PALLD: variants seen among roughly 807,000 people sequenced by gnomAD.
PALLD encodes palladin, cytoskeletal associated protein.
In PALLD, 61 loss-of-function variants were observed where a neutral mutation model predicts 123.5. That is an observed-to-expected ratio of 0.49 (90% confidence interval 0.40 to 0.61). PALLD has a LOEUF of 0.61. Ranked by LOEUF, PALLD falls within the 20% of genes least tolerant of loss-of-function variation. The pLI, the probability that PALLD is intolerant of heterozygous loss-of-function variation, is 0.00. For missense variants in PALLD, 1,273 were observed against 1,377.0 expected (o/e 0.92, Z 1.20); for synonymous variants, 465 against 496.4 (o/e 0.94, Z 0.84).
chr4:168,696,878 A>G (rs926609496), intron 8 of PALLD, among the ~76,000 whole-genome samples: 1 of 152,200 alleles, frequency 6.6e-6, no homozygotes, highest in Non-Finnish European at 1.5e-5. Context: ...AGAAGAAAGA[A>G]GCGGCGAGAG....
chr4:168,574,276 A>G (rs1367482539), intron 2 of PALLD, among the ~76,000 whole-genome samples: 1 of 152,108 alleles, frequency 6.6e-6, no homozygotes, highest in East Asian at 1.9e-4. Context: ...GTGCTTTACA[A>G]GATGCTTACC....
chr4:168,651,709 T>C (rs1254921329), intron 2 of PALLD, among the ~76,000 whole-genome samples: 1 of 152,116 alleles, frequency 6.6e-6, no homozygotes, highest in East Asian at 1.9e-4. Context: ...AATGATGCTT[T>C]ACAAGAAGAA....
rs140469649 is a variant in PALLD, at chr4:168,682,961, A to G, written c.1155-37A>G. ...AAAAAACAAAAAAACGAAAACAAAAAATATTCTGACTAAACACTCACCTTC... is the reference window on the plus strand; with the variant it reads ...AAAAAACAAAAAAACGAAAACAAAAGATATTCTGACTAAACACTCACCTTC... On this transcript the variant is annotated intron_variant, in intron 4 of 21. Coordinates refer to ENST00000505667, the MANE Select transcript of PALLD (RefSeq NM_001166108.2). 2.3e-6 allele frequency: 3 copies of G among 1,279,550 alleles called. No individual in the cohort carries two copies. The African/African-American group carries it at 4.4e-5, about 19-fold the overall frequency. The allele number at this position is 1,279,550 out of a possible 1,614,324, so 79.3% of individuals were successfully genotyped here.
rs147195641 is a variant in PALLD at position 168,642,045 on chromosome 4, G to C, written c.909-26145G>C. Among the ~76,000 whole-genome samples, 1,101 of 152,264 alleles carry C rather than the reference G, an allele frequency of 7.2e-3. 16 individuals are homozygous for C. Among genetic ancestry groups the C allele is most frequent in the African/African-American group, 0.025 (1,040 of 41,538 alleles). ...CTTCGTCTCCTTTCACCCATAAGGA[G>C]CACAGCCAGGATGGTTTCACCTGGT... On this transcript the variant is annotated intron_variant, in intron 2 of 21. Transcript: ENST00000505667.
At chr4:168,822,599 T>A (rs774797261) in intron 10 of PALLD, among the ~76,000 whole-genome samples, 5 of 152,178 alleles carry the variant, frequency 3.3e-5, no homozygotes, top group Non-Finnish European at 7.3e-5. Context: ...GTTAAGCCTT[T>A]TAAGGGTATC....
intron 2 of PALLD, among the ~76,000 whole-genome samples, chr4:168,629,323 G>T (rs1422848482): frequency 1.3e-5 from 2 of 152,050 alleles, no homozygotes; most frequent in African/African-American, 4.8e-5. Context: ...CCTGCCTATA[G>T]TATTTTTAAG....
At chr4:168,898,270 C>A in intron 13 of PALLD, 1 of 575,334 alleles carries the variant, frequency 1.7e-6, no homozygotes, top group Non-Finnish European at 3.1e-6. Flanking sequence ...TTTCCTACCC[C>A]CCTCTTTTTG....
At chr4:168,632,187 C>CT (rs1313633199) in intron 2 of PALLD, among the ~76,000 whole-genome samples, 59 of 147,754 alleles carry the variant, frequency 4.0e-4, no homozygotes, top group East Asian at 1.6e-3. Context: ...CCACCTCACC[C>CT]TTTTTTTTTT....
intron 17 of PALLD, among the ~76,000 whole-genome samples, chr4:168,917,049 G>T (rs111807939): frequency 5.4e-4 from 68 of 124,880 alleles, no homozygotes; most frequent in African/African-American, 1.3e-3. Context: ...TTTTTTTGGG[G>T]TTTTTTTTTT....
intron 10 of PALLD, among the ~76,000 whole-genome samples, chr4:168,767,045 C>G (rs982222496): frequency 1.3e-5 from 2 of 152,148 alleles, no homozygotes; most frequent in African/African-American, 4.8e-5. Context: ...CCTGACAGTC[C>G]TCTTCCAGAC....
intron 2 of PALLD, among the ~76,000 whole-genome samples, chr4:168,642,828 C>T (rs1777092006): frequency 6.6e-6 from 1 of 152,244 alleles, no homozygotes; most frequent in South Asian, 2.1e-4. Flanking sequence ...GAAGAAACTG[C>T]TTTTCCTGTA....
intron 8 of PALLD, among the ~76,000 whole-genome samples, chr4:168,694,862 T>C (rs936246069): frequency 8.5e-5 from 13 of 152,212 alleles, no homozygotes; most frequent in African/African-American, 3.1e-4. Flanking sequence ...AACATCCGTT[T>C]GTCATAGTAC....
intron 1 of PALLD, among the ~76,000 whole-genome samples, chr4:168,508,895 T>C (rs1762272196): frequency 6.6e-6 from 1 of 152,078 alleles, no homozygotes; most frequent in Non-Finnish European, 1.5e-5. Flanking sequence ...TTATCTACCA[T>C]GTGTGCTGAC....
chr4:168,541,596 G>A (rs1013438280), intron 2 of PALLD, among the ~76,000 whole-genome samples: 5 of 151,962 alleles, frequency 3.3e-5, no homozygotes, highest in African/African-American at 9.7e-5. Context: ...GATTACAGGC[G>A]CTCGCCACCA....
intron 2 of PALLD, among the ~76,000 whole-genome samples, chr4:168,531,287 G>C (rs536206607): frequency 6.6e-6 from 1 of 152,248 alleles, no homozygotes; most frequent in South Asian, 2.1e-4. Context: ...ATTTTAAGCT[G>C]ATGATGATCA....
At chr4:168,635,299 C>G (rs1053448740) in intron 2 of PALLD, among the ~76,000 whole-genome samples, 2 of 152,128 alleles carry the variant, frequency 1.3e-5, no homozygotes, top group Admixed American at 1.3e-4. Flanking sequence ...AATGGTGATG[C>G]TAGGGCTCAG....
chr4:168,667,784 A>G (rs1208575752), intron 2 of PALLD, among the ~76,000 whole-genome samples: 1 of 152,212 alleles, frequency 6.6e-6, no homozygotes, highest in African/African-American at 2.4e-5. Flanking sequence ...GTTTCTTTTC[A>G]TATATTAAAT....
At chr4:168,579,574 TC>T (rs531108261) in intron 2 of PALLD, among the ~76,000 whole-genome samples, 43 of 152,182 alleles carry the variant, frequency 2.8e-4, no homozygotes, top group Middle Eastern at 6.8e-3. Flanking sequence ...AGGTCAATGT[TC>T]TTAAAATAAA....
chr4:168,626,836 A>G (rs1303367337), intron 2 of PALLD, among the ~76,000 whole-genome samples: 1 of 152,222 alleles, frequency 6.6e-6, no homozygotes, highest in African/African-American at 2.4e-5. Context: ...TATTATGCCA[A>G]ATGAAATAAG....
Sources: gnomAD v4.1 joint callset for allele counts (sites outside exome capture counted in the v4.1 genomes callset) on GRCh38, gnomAD v4.1.1 for gene constraint, MANE v1.5 for transcripts, NCBI Gene and HGNC (gene_info 2026-07-23, HGNC 2026-07-21) for gene names.